CDH18: variants seen among roughly 807,000 people sequenced by gnomAD.
CDH18 encodes the protein cadherin-18.
Under a neutral mutation model 67.9 loss-of-function variants are expected in CDH18, and 31 were observed. The observed-to-expected ratio is 0.46, with a 90% CI of 0.34 to 0.62. The LOEUF (loss-of-function observed/expected upper bound fraction) is 0.62, where lower values mean the gene tolerates loss of function less well. Ranked by LOEUF, CDH18 falls within the 20% of genes least tolerant of loss-of-function variation. The pLI, the probability that CDH18 is intolerant of heterozygous loss-of-function variation, is 0.01. For synonymous variants in CDH18, 362 were observed against 347.2 expected (o/e 1.04, Z -0.48); for missense variants, 890 against 975.5 (o/e 0.91, Z 1.17).
intron 5 of CDH18, among the ~76,000 whole-genome samples, chr5:19,690,734 A>C (rs1036524937): frequency 1.1e-4 from 16 of 151,768 alleles, no homozygotes; most frequent in African/African-American, 3.9e-4. Context: ...TTCAAGAAGA[A>C]ATAGAAAACC....
intron 1 of CDH18, among the ~76,000 whole-genome samples, chr5:20,394,806 CA>C (rs1745152369): frequency 6.6e-6 from 1 of 151,822 alleles, no homozygotes; most frequent in Non-Finnish European, 1.5e-5. Context: ...AGAAGACATA[CA>C]AATGGCCAAC....
intron 2 of CDH18, among the ~76,000 whole-genome samples, chr5:19,866,921 C>A (rs1158297756): frequency 1.3e-5 from 2 of 152,044 alleles, no homozygotes; most frequent in African/African-American, 4.8e-5. Flanking sequence ...GAAACCTGGT[C>A]TCTACTAAAA....
chr5:20,350,255 A>C (rs1281803939), intron 1 of CDH18, among the ~76,000 whole-genome samples: 2 of 152,170 alleles, frequency 1.3e-5, no homozygotes, highest in African/African-American at 4.8e-5. Context: ...AATTTGATAT[A>C]CACAATGGAA....
intron 1 of CDH18, among the ~76,000 whole-genome samples, chr5:20,481,491 C>A (rs2457031): frequency 0.39 from 59,278 of 151,848 alleles, 13,466 homozygotes; most frequent in East Asian, 0.55. Context: ...GAGAAAATGT[C>A]GTTCGACAGC....
intron 3 of CDH18, among the ~76,000 whole-genome samples, chr5:19,774,197 T>C (rs945732042): frequency 5.3e-5 from 8 of 151,992 alleles, no homozygotes; most frequent in Non-Finnish European, 1.2e-4. Context: ...TGGGCAGAAA[T>C]ACCTGGGTGG....
chr5:20,074,971 C>G (rs1427152069), intron 2 of CDH18, among the ~76,000 whole-genome samples: 1 of 152,134 alleles, frequency 6.6e-6, no homozygotes, highest in Non-Finnish European at 1.5e-5. Flanking sequence ...GATTCAGTAT[C>G]TGAAACCTAT....
At chr5:19,508,600 A>G (rs1376108677) in intron 10 of CDH18, among the ~76,000 whole-genome samples, 1 of 152,132 alleles carries the variant, frequency 6.6e-6, no homozygotes, top group Admixed American at 6.6e-5. Context: ...TGCTATTTAT[A>G]AATAATTACC....
intron 2 of CDH18, among the ~76,000 whole-genome samples, chr5:19,924,886 T>C (rs1792923083): frequency 6.6e-6 from 1 of 152,026 alleles, no homozygotes; most frequent in Non-Finnish European, 1.5e-5. Flanking sequence ...TGTGCCCTCT[T>C]CTCTATTTGA....
At chr5:19,656,395 T>C (rs1033058000) in intron 5 of CDH18, among the ~76,000 whole-genome samples, 1 of 152,136 alleles carries the variant, frequency 6.6e-6, no homozygotes, top group African/African-American at 2.4e-5. Flanking sequence ...TAGATAGAGA[T>C]GGCATATTAA....
intron 1 of CDH18, among the ~76,000 whole-genome samples, chr5:20,360,034 G>A (rs2150070038): frequency 7.0e-6 from 1 of 142,712 alleles, no homozygotes; most frequent in Non-Finnish European, 1.5e-5. Context: ...TAACAAACTT[G>A]GATTAGTGAC....
At chr5:20,132,131 C>T (rs1368186817) in intron 2 of CDH18, among the ~76,000 whole-genome samples, 1 of 152,208 alleles carries the variant, frequency 6.6e-6, no homozygotes, top group Non-Finnish European at 1.5e-5. Context: ...TCAGGTGCTC[C>T]GCCCAGCTGG....
intron 5 of CDH18, among the ~76,000 whole-genome samples, chr5:19,666,626 G>A (rs1319870863): frequency 6.6e-6 from 1 of 151,962 alleles, no homozygotes; most frequent in Non-Finnish European, 1.5e-5. Context: ...TGTTTTATAA[G>A]TAGACAGAAA....
chr5:20,087,202 T>G (rs1367873322), intron 2 of CDH18, among the ~76,000 whole-genome samples: 1 of 152,152 alleles, frequency 6.6e-6, no homozygotes, highest in Non-Finnish European at 1.5e-5. Flanking sequence ...CCTGTAAATG[T>G]GACTGAAATG....
chr5:19,981,223 T>C (rs1203233678), intron 1 of CDH18, 45 bp from the exon 2 acceptor site: 2 of 152,130 alleles, frequency 1.3e-5, no homozygotes, highest in Admixed American at 6.6e-5. Context: ...ATAGATCAGA[T>C]AATGTCACCT....
chr5:20,298,881 A>C (rs1185421201), intron 1 of CDH18, among the ~76,000 whole-genome samples: 1 of 152,194 alleles, frequency 6.6e-6, no homozygotes, highest in African/African-American at 2.4e-5. Context: ...AAACATTTGG[A>C]TAAGAAGAAA....
At chr5:20,219,467 A>G (rs576519746) in intron 2 of CDH18, among the ~76,000 whole-genome samples, 1 of 151,664 alleles carries the variant, frequency 6.6e-6, no homozygotes, top group East Asian at 1.9e-4. Flanking sequence ...ATACTTCCAA[A>G]CTTATTGTAT....
chr5:19,587,449 T>A (rs1230988824), intron 7 of CDH18, among the ~76,000 whole-genome samples: 1 of 152,154 alleles, frequency 6.6e-6, no homozygotes, highest in African/African-American at 2.4e-5. Flanking sequence ...CTTTAATGCA[T>A]GTTGAATTGA....
At chr5:20,054,726 C>A (rs1453429233) in intron 2 of CDH18, among the ~76,000 whole-genome samples, 1 of 152,200 alleles carries the variant, frequency 6.6e-6, no homozygotes, top group African/African-American at 2.4e-5. Flanking sequence ...ACTATGACCA[C>A]ATTGTCTCTC....
At chr5:20,033,970 G>T (rs1739620837) in intron 2 of CDH18, among the ~76,000 whole-genome samples, 1 of 151,952 alleles carries the variant, frequency 6.6e-6, no homozygotes, top group African/African-American at 2.4e-5. Context: ...TAAAAGAAGA[G>T]AAACCTCATA....
Sources: allele counts gnomAD v4.1 joint callset (sites outside exome capture counted in the v4.1 genomes callset), GRCh38; gene constraint gnomAD v4.1.1; transcripts MANE v1.5; gene names NCBI Gene and HGNC (gene_info 2026-07-23, HGNC 2026-07-21).